Variants in MACROD2 observed in about 807,000 individuals in gnomAD.
The protein encoded by MACROD2 is mono-ADP ribosylhydrolase 2, also known as ADP-ribose glycohydrolase MACROD2.
A neutral mutation model predicts 70.4 loss-of-function variants in MACROD2; 36 were observed. The observed-to-expected ratio is 0.51, with a 90% confidence interval of 0.39 to 0.68. The LOEUF (loss-of-function observed/expected upper bound fraction) is 0.68, where lower values mean the gene tolerates loss of function less well. Ranked by LOEUF, MACROD2 falls within the 30% of genes least tolerant of loss-of-function variation. MACROD2 has a pLI of 0.00. For synonymous variants in MACROD2, 172 were observed against 178.8 expected (o/e 0.96, Z 0.30); for missense variants, 496 against 538.4 (o/e 0.92, Z 0.78).
chr20:14,833,203 CACTA>C (rs1333671467), intron 5 of MACROD2, among the ~76,000 whole-genome samples: 1 of 152,148 alleles, frequency 6.6e-6, no homozygotes, highest in Non-Finnish European at 1.5e-5. Context: ...AGGCGTTTAT[CACTA>C]ACTCTCATTC....
intron 2 of MACROD2, among the ~76,000 whole-genome samples, chr20:14,033,148 C>T (rs1473095752): frequency 6.3e-5 from 9 of 143,002 alleles, no homozygotes; most frequent in Non-Finnish European, 9.1e-5. Flanking sequence ...GTGTGGTAGG[C>T]GGTAAGTTGT....
At chr20:14,727,950 A>G (rs551305940) in intron 5 of MACROD2, among the ~76,000 whole-genome samples, 2 of 152,296 alleles carry the variant, frequency 1.3e-5, no homozygotes, top group South Asian at 2.1e-4. Flanking sequence ...CAATCCTTTC[A>G]TAGCCCATGA....
rs550655160 is a variant in MACROD2 at position 15,979,235 on chromosome 20, C to T, written c.986-7492C>T. Among the ~76,000 whole-genome samples, 5 of 152,262 alleles carry T rather than the reference C, an allele frequency of 3.3e-5. No homozygotes were observed. In the South Asian group the frequency reaches 1.0e-3, roughly 32 times the overall value. On this transcript the variant is annotated intron_variant, in intron 13 of 17. Coordinates refer to ENST00000684519, the MANE Select transcript of MACROD2 (RefSeq NM_001351661.2). ...AGGCTGGTTGTGTCTCTACTTAGCC[C>T]GGGTTGGCTGTGTTCCACATGCTTT...
At chr20:15,994,713 T>C (rs2066604128) in intron 15 of MACROD2, among the ~76,000 whole-genome samples, 1 of 152,198 alleles carries the variant, frequency 6.6e-6, no homozygotes, top group Non-Finnish European at 1.5e-5. Context: ...GCCTATTTTT[T>C]CTTTTTTGCT....
chr20:15,408,463 A>T (rs1478960130), intron 6 of MACROD2, among the ~76,000 whole-genome samples: 1 of 152,242 alleles, frequency 6.6e-6, no homozygotes, highest in Non-Finnish European at 1.5e-5. Context: ...TGCTTTTTAA[A>T]GTCTTTTTTA....
At chr20:16,029,600 G>C (rs759228139) in intron 15 of MACROD2, among the ~76,000 whole-genome samples, 5 of 152,170 alleles carry the variant, frequency 3.3e-5, no homozygotes, top group African/African-American at 1.2e-4. Flanking sequence ...AACGAGCCTG[G>C]TGTTGCCCTA....
At chr20:15,335,843 C>T (rs1008551540) in intron 6 of MACROD2, among the ~76,000 whole-genome samples, 2 of 151,676 alleles carry the variant, frequency 1.3e-5, no homozygotes, top group Non-Finnish European at 2.9e-5. Context: ...CCAAACAGTA[C>T]AATTGTGAGT....
chr20:16,049,906 G>T lies in MACROD2; in HGVS notation c.*30G>T. On this transcript the variant is annotated 3_prime_UTR_variant, in exon 18 of 18. Transcript: ENST00000684519. ...CCTCAGCATCGCAAGGCCTCTCCTG[G>T]CTCTGGGGGAGCTCGGGAAGATAGC... 1 of 1,587,988 alleles carries T rather than the reference G, an allele frequency of 6.3e-7. No homozygotes were observed.
intron 4 of MACROD2, among the ~76,000 whole-genome samples, chr20:14,518,503 G>C (rs1002875253): frequency 1.3e-5 from 2 of 152,110 alleles, no homozygotes; most frequent in Non-Finnish European, 2.9e-5. Context: ...GGTGTTTGCT[G>C]TTGGACTTTC....
intron 6 of MACROD2, among the ~76,000 whole-genome samples, chr20:15,273,110 G>A (rs2077359983): frequency 6.6e-6 from 1 of 152,194 alleles, no homozygotes; most frequent in Admixed American, 6.5e-5. Context: ...GTGTGTCTAT[G>A]AGGATGTTGC....
chr20:14,999,957 G>A (rs1206689219), intron 5 of MACROD2, among the ~76,000 whole-genome samples: 1 of 152,102 alleles, frequency 6.6e-6, no homozygotes, highest in African/African-American at 2.4e-5. Context: ...AGATATAAAA[G>A]CAATACTGTA....
intron 5 of MACROD2, among the ~76,000 whole-genome samples, chr20:15,169,299 A>G (rs979308028): frequency 1.3e-5 from 2 of 152,174 alleles, no homozygotes; most frequent in African/African-American, 4.8e-5. Context: ...TCAGCATGAC[A>G]TCAGATGGAG....
intron 8 of MACROD2, among the ~76,000 whole-genome samples, chr20:15,734,885 T>C (rs2050998307): frequency 6.6e-6 from 1 of 152,234 alleles, no homozygotes; most frequent in South Asian, 2.1e-4. Context: ...TGGGAAAATA[T>C]ACCAATAACT....
At chr20:15,357,526 A>G (rs2078301531) in intron 6 of MACROD2, among the ~76,000 whole-genome samples, 1 of 152,132 alleles carries the variant, frequency 6.6e-6, no homozygotes, top group Admixed American at 6.5e-5. Context: ...TATTTATAAT[A>G]TAGAAATAAT....
chr20:14,100,728 A>AAT (rs1449655932), intron 3 of MACROD2, among the ~76,000 whole-genome samples: 4 of 135,156 alleles, frequency 3.0e-5, no homozygotes, highest in East Asian at 2.0e-4. Flanking sequence ...ATTTATATAT[A>AAT]ATATATATAA....
At chr20:14,703,394 A>G (rs1350095036) in intron 5 of MACROD2, among the ~76,000 whole-genome samples, 1 of 152,200 alleles carries the variant, frequency 6.6e-6, no homozygotes, top group Non-Finnish European at 1.5e-5. Context: ...GATAATAATA[A>G]ATTACACTGC....
chr20:15,122,849 T>C (rs1293016652), intron 5 of MACROD2, among the ~76,000 whole-genome samples: 2 of 152,162 alleles, frequency 1.3e-5, no homozygotes, highest in Non-Finnish European at 2.9e-5. Context: ...GTTTATCCAC[T>C]GAGTAAATAA....
At position 14,790,878 on chromosome 20, in the gene MACROD2, T is replaced by C. The variant is rs192032015; in HGVS notation, c.418+105919T>C. On this transcript the variant is annotated intron_variant, in intron 5 of 17. Coordinates refer to ENST00000684519, the MANE Select transcript of MACROD2 (RefSeq NM_001351661.2). ...GCTTCTCCTCTGTACATTTCCTCAATTGACTTTCAGGTTACCTCTCTGTGC... is the reference window on the plus strand; with the variant it reads ...GCTTCTCCTCTGTACATTTCCTCAACTGACTTTCAGGTTACCTCTCTGTGC... Among the ~76,000 whole-genome samples the C allele has an allele frequency of 1.3e-3, 193 of 152,114 alleles. 1 individual carries two copies. The highest frequency in any genetic ancestry group is 4.5e-3 in the African/African-American group (185 of 41,466).
intron 6 of MACROD2, among the ~76,000 whole-genome samples, chr20:15,296,749 C>T (rs1410562020): frequency 6.6e-6 from 1 of 152,160 alleles, no homozygotes; most frequent in Non-Finnish European, 1.5e-5. Flanking sequence ...AAGAATATCT[C>T]ATTTGCCTTT....
Sources: allele counts gnomAD v4.1 joint callset (sites outside exome capture counted in the v4.1 genomes callset), GRCh38; gene constraint gnomAD v4.1.1; transcripts MANE v1.5; gene names NCBI Gene and HGNC (gene_info 2026-07-23, HGNC 2026-07-21).